The following CACNA1H variants were observed in gnomAD, a reference collection of about 807,000 sequenced individuals.
CACNA1H encodes voltage-dependent T-type calcium channel subunit alpha-1H.
CACNA1H carries 149 observed loss-of-function variants against 192.5 expected under a neutral mutation model. The ratio of observed to expected loss-of-function variants is 0.77; its 90% CI spans 0.68 to 0.89. The LOEUF (loss-of-function observed/expected upper bound fraction) is 0.89, where lower values mean the gene tolerates loss of function less well. CACNA1H is among the 40% of genes least tolerant of loss of function. CACNA1H has a pLI of 0.00. For missense variants in CACNA1H, 4,257 were observed against 3,423.5 expected, an observed-to-expected ratio of 1.24 and a Z score of -6.08; for synonymous variants, 2,202 against 1,475.2, an observed-to-expected ratio of 1.49 and a Z score of -11.29.
At chr16:1,198,335 G>C (rs1393208078) in intron 5 of CACNA1H, among the ~76,000 whole-genome samples, 1 of 152,198 alleles carries the variant, frequency 6.6e-6, no homozygotes, top group African/African-American at 2.4e-5. Flanking sequence ...CAGCAGACCT[G>C]CTGCCCTGGG....
Position 1,195,956 on chromosome 16 carries a change from C to A in CACNA1H, c.576C>A (p.Asn192Lys). The A allele has an allele frequency of 6.2e-7, 1 of 1,613,094 alleles. No homozygotes were observed. The highest frequency in any genetic ancestry group is 8.5e-7 in the Non-Finnish European group (1 of 1,179,792). Reference sequence around the variant, plus strand: ...TGGAGTACTCGTTGGACGGACACAACGTGAGCCTCTCGGCTATCAGGACCG... The same window carrying A: ...TGGAGTACTCGTTGGACGGACACAAAGTGAGCCTCTCGGCTATCAGGACCG... The part of the protein sequence containing the change: ...GMMEYSLDGH[N>K]VSLSAIRTVR... The change falls in exon 5 of 35, where the codon AAC becomes AAA. Residue 192 changes from asparagine to lysine, a missense_variant. Transcript: ENST00000348261.
chr16:1,199,826 G>C (rs939962017), intron 6 of CACNA1H, among the ~76,000 whole-genome samples: 1 of 151,462 alleles, frequency 6.6e-6, no homozygotes, highest in Non-Finnish European at 1.5e-5. Context: ...CCTCACCCCA[G>C]GCTTCCCTCC....
intron 15 of CACNA1H, 27 bp from the exon 16 acceptor site, chr16:1,207,986 G>C: frequency 1.9e-6 from 3 of 1,577,980 alleles, no homozygotes; most frequent in Non-Finnish European, 2.6e-6. Flanking sequence ...GCAGCTCTAG[G>C]GGCCCATTCC....
At chr16:1,184,585 C>T (rs538099411) in intron 2 of CACNA1H, among the ~76,000 whole-genome samples, 1 of 152,370 alleles carries the variant, frequency 6.6e-6, no homozygotes, top group African/African-American at 2.4e-5. Flanking sequence ...GGCATCCAGG[C>T]CCCCTGGTGG....
chr16:1,174,185 C>T (rs1199067742), intron 2 of CACNA1H, among the ~76,000 whole-genome samples: 1 of 152,116 alleles, frequency 6.6e-6, no homozygotes, highest in East Asian at 1.9e-4. Flanking sequence ...GGGCAGAGGT[C>T]CTGGCGGCCT....
intron 2 of CACNA1H, among the ~76,000 whole-genome samples, chr16:1,155,699 CT>C (rs1428086776): frequency 6.6e-6 from 1 of 152,186 alleles, no homozygotes; most frequent in Non-Finnish European, 1.5e-5. Context: ...CCTGTCCCCT[CT>C]CGGCTGAGAG....
In CACNA1H at chr16:1,198,601, C is replaced by T. The variant is rs765659213; in HGVS notation, c.644-14C>T. 9 of 1,611,626 alleles carry T rather than the reference C, an allele frequency of 5.6e-6. No individual in the cohort carries two copies. Among genetic ancestry groups the T allele is most frequent in the African/African-American group, 2.7e-5 (2 of 74,870 alleles). ...AGGGCTTAGCAGTGCCAATCCTGGC[C>T]CTGCTGCCCACAGGCATGCGGATCC... is the stretch of plus-strand genomic sequence containing the variant. On this transcript the variant is annotated splice_polypyrimidine_tract_variant and intron_variant, in intron 5 of 34. Transcript: ENST00000348261.
At chr16:1,190,997 C>T (rs1287058934) in intron 2 of CACNA1H, among the ~76,000 whole-genome samples, 1 of 147,428 alleles carries the variant, frequency 6.8e-6, no homozygotes, top group Non-Finnish European at 1.5e-5. Flanking sequence ...ACCCAGCAGG[C>T]TGCCCTGGCT....
chr16:1,219,240 C>T lies in CACNA1H; in HGVS notation c.6048+110C>T, dbSNP rs546621311. The T allele has an allele frequency of 9.8e-5, 109 of 1,110,262 alleles. 1 individual carries two copies. The highest frequency in any genetic ancestry group is 4.5e-4 in the South Asian group (27 of 59,402). The allele number at this position is 1,110,262 out of a possible 1,614,324, so 68.8% of individuals were successfully genotyped here. On this transcript the variant is annotated intron_variant, in intron 34 of 34. Transcript: ENST00000348261. ...GACGAGGACAAGGCAGGAGGAGGGT[C>T]GCACTGGGTCCTTGGGGCTCCGAAG...
chr16:1,185,973 G>A (rs867718946), intron 2 of CACNA1H, among the ~76,000 whole-genome samples: 33 of 130,554 alleles, frequency 2.5e-4, no homozygotes, highest in Middle Eastern at 4.0e-3. Context: ...CGTAGGGGCC[G>A]GAGGCGGGGT....
At position 1,167,357 on chromosome 16, in the gene CACNA1H, G is replaced by A. The variant is rs531750534; in HGVS notation, c.299+13321G>A. Among the ~76,000 whole-genome samples, 9 of 152,256 alleles carry A rather than the reference G, an allele frequency of 5.9e-5. 1 individual carries two copies. In the South Asian group the frequency reaches 1.7e-3, roughly 28 times the overall value. On this transcript the variant is annotated intron_variant, in intron 2 of 34. Transcript: ENST00000348261. This position sits in a 1 kb window ranked among gnomAD's most constrained non-coding sequence, Gnocchi z 4.2. ...GGGCGATATCGGCGCGGAGCGGGCG[G>A]GGTGGCGCCCGGGCCGCGGGTGGGA...
At position 1,221,745 on chromosome 16, in the gene CACNA1H, A is replaced by G; in HGVS notation, c.*751A>G. 6.5e-7 allele frequency: 1 copy of G among 1,540,710 alleles called. No homozygotes were observed. The highest frequency in any genetic ancestry group is 8.8e-7 in the Non-Finnish European group (1 of 1,138,274). ...AGGGAGAGGGAGGGGGCGGAGCGGA[A>G]TAAATAGTAACTTATTTAAGAAATG... On this transcript the variant is annotated 3_prime_UTR_variant, in exon 35 of 35. Transcript: ENST00000348261.
Position 1,175,864 on chromosome 16 carries a change from C to T in CACNA1H, c.300-19108C>T, listed in dbSNP as rs946970089. 1.1e-4 allele frequency among the ~76,000 whole-genome samples: 16 copies of T among 152,174 alleles called. No homozygotes were observed. In the East Asian group the frequency reaches 1.2e-3, roughly 11 times the overall value. On this transcript the variant is annotated intron_variant, in intron 2 of 34. Transcript: ENST00000348261. ...GGGGCGTGTGCCAGTGGCCCCTGCC[C>T]GTCTCGGGCAGACCTTGGGCTGCCA...
Position 1,220,425 on chromosome 16 carries a change from C to G in CACNA1H, c.6493C>G (p.Pro2165Ala), listed in dbSNP as rs774083584. The change falls in exon 35 of 35, where the codon CCT becomes GCT. Residue 2165 changes from proline to alanine, a missense_variant. Coordinates refer to ENST00000348261, the MANE Select transcript of CACNA1H (RefSeq NM_021098.3). Reference protein sequence around the residue: ...RPSAELGSGEPGEAKAWGPEA... With the variant: ...RPSAELGSGEAGEAKAWGPEA... ...CTCGGCGGAGCTGGGCAGCGGGGAG[C>G]CTGGGGAGGCGAAGGCCTGGGGCCC... 4 of 1,532,984 alleles carry G rather than the reference C, an allele frequency of 2.6e-6. No individual in the cohort carries two copies. In the Admixed American group the frequency reaches 8.9e-5, roughly 34 times the overall value. The allele number at this position is 1,532,984 out of a possible 1,614,324, so 95.0% of individuals were successfully genotyped here.
At chr16:1,154,378 C>T (rs879908246) in intron 2 of CACNA1H, among the ~76,000 whole-genome samples, 18 of 152,108 alleles carry the variant, frequency 1.2e-4, no homozygotes, top group Non-Finnish European at 2.2e-4. Context: ...AGGGTGTTGG[C>T]CAGGACGGGA....
At chr16:1,186,935 G>A (rs545973401) in intron 2 of CACNA1H, among the ~76,000 whole-genome samples, 2 of 152,304 alleles carry the variant, frequency 1.3e-5, no homozygotes, top group East Asian at 1.9e-4. Context: ...ACGGACACAG[G>A]GCTGGTTCCC....
At chr16:1,212,271 G>T (rs1969541876) in intron 25 of CACNA1H, 133 bp downstream of exon 25, 2 of 1,350,844 alleles carry the variant, frequency 1.5e-6, no homozygotes, top group East Asian at 5.0e-5. Context: ...GGGCCTGCAT[G>T]GGGGCTGGGC....
rs1968386610 is a variant in CACNA1H at position 1,204,342 on chromosome 16, T to C, written c.2335T>C (p.Trp779Arg). Residue 779 changes from tryptophan (W) to arginine (R), a missense_variant, in exon 10 of 35, where the codon TGG becomes CGG. By Grantham distance (101) the Trp-to-Arg change is moderately radical. Coordinates refer to ENST00000348261, the MANE Select transcript of CACNA1H (RefSeq NM_021098.3). ...PGEPGWMGRL[W>R]VTFSGKLRRI... ...CGAGCCAGGCTGGATGGGCCGCCTCTGGGTTACCTTCAGCGGCAAGCTGCG... is the reference window on the plus strand; with the variant it reads ...CGAGCCAGGCTGGATGGGCCGCCTCCGGGTTACCTTCAGCGGCAAGCTGCG... 6.3e-7 allele frequency: 1 copy of C among 1,586,106 alleles called. No individual in the cohort carries two copies. The highest frequency in any genetic ancestry group is 8.6e-7 in the Non-Finnish European group (1 of 1,165,710).
intron 2 of CACNA1H, among the ~76,000 whole-genome samples, chr16:1,187,105 C>T (rs566915516): frequency 4.6e-5 from 7 of 152,374 alleles, no homozygotes; most frequent in Non-Finnish European, 8.8e-5. Flanking sequence ...GGGCTGATAG[C>T]GCCTGTGGGA....
Sources: gnomAD v4.1 joint callset for allele counts (sites outside exome capture counted in the v4.1 genomes callset) on GRCh38, gnomAD v4.1.1 for gene constraint, Gnocchi (gnomAD v3.1) non-coding constraint, MANE v1.5 for transcripts, NCBI Gene and HGNC (gene_info 2026-07-23, HGNC 2026-07-21) for gene names.